The following COL27A1 variants were observed in gnomAD, a reference collection of about 807,000 sequenced individuals.
COL27A1 encodes the protein collagen type XXVII alpha 1 chain.
A neutral mutation model predicts 251.3 loss-of-function variants in COL27A1; 106 were observed. That is an observed-to-expected ratio of 0.42 (90% CI 0.36 to 0.50). The LOEUF is 0.50. COL27A1 is among the 20% of genes least tolerant of loss of function. The probability of loss-of-function intolerance (pLI) is 0.00; values close to 1 mark genes in which losing one functional copy is unlikely to be tolerated. For synonymous variants in COL27A1, 1,000 were observed against 986.3 expected, an observed-to-expected ratio of 1.01 and a Z score of -0.26; for missense variants, 2,325 against 2,522.8, an observed-to-expected ratio of 0.92 and a Z score of 1.68.
chr9:114,186,290 G>A (rs958841313), intron 5 of COL27A1, among the ~76,000 whole-genome samples: 7 of 152,276 alleles, frequency 4.6e-5, no homozygotes, highest in Admixed American at 3.9e-4. Flanking sequence ...CTAGGACCCT[G>A]AGAGGATGTG....
intron 49 of COL27A1, among the ~76,000 whole-genome samples, chr9:114,298,682 A>G (rs1468868271): frequency 6.6e-6 from 1 of 152,234 alleles, no homozygotes; most frequent in East Asian, 1.9e-4. Context: ...TAAAGGCTAA[A>G]ACTGTACAAC....
intron 23 of COL27A1, 129 bp from the exon 24 acceptor site, chr9:114,245,737 C>A (rs747259461): frequency 1.2e-4 from 103 of 862,738 alleles, no homozygotes; most frequent in Non-Finnish European, 1.8e-4. Flanking sequence ...TCCAAGGCCA[C>A]ACACTGGAGA....
At position 114,290,195 on chromosome 9, in the gene COL27A1, C is replaced by CTTTTTATGTA. The variant is rs765137847; in HGVS notation, c.4261-29_4261-28insTTTTTATGTA. 22 of 1,535,000 alleles carry CTTTTTATGTA rather than the reference C, an allele frequency of 1.4e-5. No individual in the cohort carries two copies. The highest frequency in any genetic ancestry group is 1.9e-5 in the Non-Finnish European group (21 of 1,128,250). Reference sequence around the variant, plus strand: ...CTCCTCCCACTCCCTGCACCAAATGCCCTCACCAGCTTTTTATGTACCCCC... The same window carrying CTTTTTATGTA: ...CTCCTCCCACTCCCTGCACCAAATGCTTTTTATGTACCTCACCAGCTTTTTATGTACCCCC... On this transcript the variant is annotated intron_variant, in intron 46 of 60. Transcript: ENST00000356083. This position sits in a 1 kb window ranked among gnomAD's most constrained non-coding sequence, Gnocchi z 4.6.
At chr9:114,306,237 C>T (rs755353448) in intron 57 of COL27A1, 7 of 324,132 alleles carry the variant, frequency 2.2e-5, no homozygotes, top group Non-Finnish European at 2.9e-5. Flanking sequence ...CACGCACCCT[C>T]GCCTACCTCA....
intron 3 of COL27A1, among the ~76,000 whole-genome samples, chr9:114,177,984 A>G (rs1361795266): frequency 2.0e-5 from 3 of 152,222 alleles, no homozygotes; most frequent in African/African-American, 7.2e-5. Context: ...CAAGTAAGAT[A>G]GCGGTCTTTA....
In COL27A1 at chr9:114,168,445, C is replaced by G; in HGVS notation, c.890C>G (p.Pro297Arg). The change falls in exon 3 of 61, where the codon CCC becomes CGC. Residue 297 changes from proline (P) to arginine (R), a missense_variant. Coordinates refer to ENST00000356083, the MANE Select transcript of COL27A1 (RefSeq NM_032888.4). ...AGGGGGACTGTGGCACCCGCCACGC[C>G]CACCAAGCCCCAAAGGACTAGCCCC... ...GPRGTVAPAT[P>R]TKPQRTSPTN... The G allele has an allele frequency of 6.2e-7, 1 of 1,613,888 alleles. No individual in the cohort carries two copies. Among genetic ancestry groups the G allele is most frequent in the Non-Finnish European group, 8.5e-7 (1 of 1,179,926 alleles).
At chr9:114,182,192 A>AATAAT in intron 4 of COL27A1, among the ~76,000 whole-genome samples, 1 of 12,092 alleles carries the variant, frequency 8.3e-5, no homozygotes, top group Non-Finnish European at 2.8e-4. Flanking sequence ...ATAATAATAA[A>AATAAT]ATAATAAAAA....
In COL27A1 at chr9:114,292,218, A is replaced by G. The variant is rs760465347; in HGVS notation, c.4584+8A>G. On this transcript the variant is annotated splice_region_variant and intron_variant, in intron 49 of 60. Transcript: ENST00000356083. ...GGGTCCAAAGGCCAGCCGGTGAGTG[A>G]GCGCCAAAGAATACACATGCCCACG... 2.4e-5 allele frequency: 37 copies of G among 1,548,682 alleles called. No individual in the cohort carries two copies. The highest frequency in any genetic ancestry group is 3.0e-5 in the Non-Finnish European group (34 of 1,145,062).
At chr9:114,209,775 C>T in intron 11 of COL27A1, 47 bp downstream of exon 11, 1 of 1,576,594 alleles carries the variant, frequency 6.3e-7, no homozygotes, top group Non-Finnish European at 8.7e-7. Context: ...CACCCCTGCC[C>T]AAACAGAGCA....
In COL27A1 at chr9:114,304,675, T is replaced by C. The variant is rs1828901917; in HGVS notation, c.4938+2T>C. ...ACCAGTGGAGCACTCAGGCCAGAGG[T>C]ATCTCCAGGGGCTCTCCCCATGTGG... On this transcript the variant is annotated splice_donor_variant, in intron 57 of 60. Transcript: ENST00000356083. LOFTEE classifies it high-confidence loss of function. 3 of 1,613,552 alleles carry C rather than the reference T, an allele frequency of 1.9e-6. No individual in the cohort carries two copies. Among genetic ancestry groups the C allele is most frequent in the Non-Finnish European group, 2.5e-6 (3 of 1,179,594 alleles).
chr9:114,168,089 G>A lies in COL27A1; in HGVS notation c.534G>A (p.Arg178=), dbSNP rs1357631501. ...VTLVTACGQR[R]VPVLLPFHRD... Reference sequence around the variant, plus strand: ...TGGTGACTGCCTGCGGGCAGCGCCGGGTGCCTGTCCTGCTGCCTTTCCACA... The same window carrying A: ...TGGTGACTGCCTGCGGGCAGCGCCGAGTGCCTGTCCTGCTGCCTTTCCACA... Residue 178 remains arginine (R), a synonymous_variant, in exon 3 of 61, where the codon CGG becomes CGA. Coordinates refer to ENST00000356083, the MANE Select transcript of COL27A1 (RefSeq NM_032888.4). The A allele has an allele frequency of 6.2e-7, 1 of 1,611,254 alleles. No individual in the cohort carries two copies. Among genetic ancestry groups the A allele is most frequent in the Non-Finnish European group, 8.5e-7 (1 of 1,179,982 alleles).
In COL27A1 at chr9:114,269,512, G is replaced by A. The variant is rs538080067; in HGVS notation, c.3555+218G>A. ...GGTCTGTAGTCCCAGCTACTCGGGG[G>A]GCTGAGGCAGGAGAATCGCTTGGAC... On this transcript the variant is annotated intron_variant, in intron 35 of 60. Transcript: ENST00000356083. Among the ~76,000 whole-genome samples, 17 of 151,474 alleles carry A rather than the reference G, an allele frequency of 1.1e-4. No individual in the cohort carries two copies. In the East Asian group the frequency reaches 3.1e-3, roughly 28 times the overall value.
chr9:114,186,832 G>A (rs539169845), intron 5 of COL27A1, among the ~76,000 whole-genome samples: 4 of 152,240 alleles, frequency 2.6e-5, no homozygotes, highest in Non-Finnish European at 4.4e-5. Context: ...CTGCCCCTGG[G>A]GCAGGGTGCT....
At chr9:114,293,190 G>A (rs1414186633) in intron 49 of COL27A1, among the ~76,000 whole-genome samples, 5 of 152,146 alleles carry the variant, frequency 3.3e-5, no homozygotes, top group African/African-American at 1.2e-4. Context: ...ACACTATTTT[G>A]AGCCTTAAAA....
chr9:114,261,706 C>T (rs1834351973), intron 28 of COL27A1, among the ~76,000 whole-genome samples: 1 of 152,214 alleles, frequency 6.6e-6, no homozygotes, highest in African/African-American at 2.4e-5. Context: ...GACCTGTATA[C>T]CCCCGGTGAC....
At chr9:114,214,642 A>G (rs1830594954) in intron 12 of COL27A1, among the ~76,000 whole-genome samples, 1 of 152,216 alleles carries the variant, frequency 6.6e-6, no homozygotes, top group Admixed American at 6.5e-5. Context: ...TTGTTGGCAA[A>G]GTCAAGACTT....
At chr9:114,262,163 A>G (rs952082278) in intron 28 of COL27A1, among the ~76,000 whole-genome samples, 10 of 152,176 alleles carry the variant, frequency 6.6e-5, no homozygotes, top group African/African-American at 2.4e-4. Flanking sequence ...ATGACCTGAC[A>G]CGGCCCCACC....
rs1834673649 is a variant in COL27A1, at chr9:114,265,445, C to T, written c.3363C>T (p.Pro1121=). 6.2e-7 allele frequency: 1 copy of T among 1,613,918 alleles called. No homozygotes were observed. The highest frequency in any genetic ancestry group is 8.5e-7 in the Non-Finnish European group (1 of 1,179,958). ...GFPGIPGPSG[P]PGTKGLPGEP... ...AGGGCATCCCGGGTCCCTCAGGCCC[C>T]CCAGGCACCAAGGGCCTCCCAGGAG... The change falls in exon 32 of 61, where the codon CCC becomes CCT. Residue 1121 remains proline (P), a synonymous_variant. Transcript: ENST00000356083.
chr9:114,204,654 G>A (rs1038436707), intron 7 of COL27A1, among the ~76,000 whole-genome samples: 7 of 152,136 alleles, frequency 4.6e-5, no homozygotes, highest in African/African-American at 1.7e-4. Context: ...GTCTTGAAAG[G>A]GGAGGGAATC....
Sources: gnomAD v4.1 joint callset for allele counts (sites outside exome capture counted in the v4.1 genomes callset) on GRCh38, gnomAD v4.1.1 for gene constraint, Gnocchi (gnomAD v3.1) non-coding constraint, MANE v1.5 for transcripts, NCBI Gene and HGNC (gene_info 2026-07-23, HGNC 2026-07-21) for gene names.